Variants in ACSS2 observed in about 807,000 individuals in gnomAD.
ACSS2 encodes the protein acyl-CoA synthetase short chain family member 2, also known as acetyl-coenzyme A synthetase, cytoplasmic.
A neutral mutation model predicts 90.6 loss-of-function variants in ACSS2; 58 were observed. That is an observed-to-expected ratio of 0.64 (90% CI 0.52 to 0.80). ACSS2 has a LOEUF of 0.80. Ranked by LOEUF, ACSS2 falls within the 30% of genes least tolerant of loss-of-function variation. ACSS2 has a pLI of 0.00. For synonymous variants in ACSS2, 300 were observed against 330.9 expected, an observed-to-expected ratio of 0.91 and a Z score of 1.01; for missense variants, 759 against 912.0, an observed-to-expected ratio of 0.83 and a Z score of 2.16.
At position 34,876,744 on chromosome 20, in the gene ACSS2, C is replaced by A; in HGVS notation, c.99C>A (p.Pro33=). ...GGGCGCGGAGTTGGTCTCCGCCGCC[C>A]GAGGTCAGCCGCTCCGCGCACGTCC... is the stretch of plus-strand genomic sequence containing the variant. ...GGRARSWSPP[P]EVSRSAHVPS... is the part of the protein sequence containing the mutation. The change falls in exon 1 of 18, where the codon CCC becomes CCA. Residue 33 remains proline (P), a synonymous_variant. Coordinates refer to ENST00000360596, the MANE Select transcript of ACSS2 (RefSeq NM_018677.4). The A allele has an allele frequency of 7.0e-7, 1 of 1,435,016 alleles. No individual in the cohort carries two copies. The highest frequency in any genetic ancestry group is 1.4e-5 in the South Asian group (1 of 71,518). The allele number at this position is 1,435,016 out of a possible 1,614,324, so 88.9% of individuals were successfully genotyped here.
chr20:34,877,155 G>C (rs2079935771), intron 1 of ACSS2, among the ~76,000 whole-genome samples: 1 of 152,086 alleles, frequency 6.6e-6, no homozygotes, highest in Admixed American at 6.5e-5. Context: ...CATGGGAAGA[G>C]AAGGGGAGTT....
chr20:34,892,344 T>C (rs1017009548), intron 2 of ACSS2, among the ~76,000 whole-genome samples: 6 of 152,196 alleles, frequency 3.9e-5, no homozygotes, highest in African/African-American at 1.4e-4. Context: ...GGTTGGGCAC[T>C]GGTAATGATC....
At chr20:34,924,747 T>G (rs1190436456) in intron 14 of ACSS2, among the ~76,000 whole-genome samples, 5 of 152,008 alleles carry the variant, frequency 3.3e-5, no homozygotes, top group African/African-American at 4.8e-5. Context: ...TCACCCAGGC[T>G]GGAGTGCGGT....
At chr20:34,885,728 A>G (rs2080176128) in intron 2 of ACSS2, among the ~76,000 whole-genome samples, 1 of 152,216 alleles carries the variant, frequency 6.6e-6, no homozygotes, top group African/African-American at 2.4e-5. Flanking sequence ...CCAGCATGCT[A>G]TTGATATCAC....
At chr20:34,926,329 C>T in intron 16 of ACSS2, 48 bp downstream of exon 16, 1 of 1,577,922 alleles carries the variant, frequency 6.3e-7, no homozygotes, top group Non-Finnish European at 8.6e-7. Flanking sequence ...CTTGGAGGCC[C>T]AGTTATCACT....
At chr20:34,913,687 C>T in intron 4 of ACSS2, 66 bp from the exon 5 acceptor site, 1 of 1,479,934 alleles carries the variant, frequency 6.8e-7, no homozygotes, top group Non-Finnish European at 9.4e-7. Context: ...CATGAGCAAC[C>T]CCTTTCTTCA....
In ACSS2 at chr20:34,899,597, C is replaced by G. The variant is rs935021492; in HGVS notation, c.375-13499C>G. On this transcript the variant is annotated intron_variant, in intron 2 of 17. Coordinates refer to ENST00000360596, the MANE Select transcript of ACSS2 (RefSeq NM_018677.4). Reference sequence around the variant, plus strand: ...CTCCGCCTCCCGGGTTCAAGCGATTCTCCCACCTCAGCCTCCCGAGCAGCT... The same window carrying G: ...CTCCGCCTCCCGGGTTCAAGCGATTGTCCCACCTCAGCCTCCCGAGCAGCT... 3.9e-5 allele frequency among the ~76,000 whole-genome samples: 6 copies of G among 151,924 alleles called. No homozygotes were observed. The East Asian group carries it at 1.2e-3, about 29-fold the overall frequency.
intron 2 of ACSS2, chr20:34,908,587 C>T (rs2080866601): frequency 5.7e-6 from 1 of 174,512 alleles, no homozygotes; most frequent in African/African-American, 2.4e-5. Flanking sequence ...ATCAGCCAGG[C>T]ACGGTGGCTC....
intron 7 of ACSS2, among the ~76,000 whole-genome samples, chr20:34,916,755 CT>C (rs1857338959): frequency 6.6e-6 from 1 of 152,174 alleles, no homozygotes; most frequent in African/African-American, 2.4e-5. Context: ...CTCCAAACCC[CT>C]TTATCCTTAA....
chr20:34,927,745 T>G lies in ACSS2; in HGVS notation c.*531T>G, dbSNP rs1159176358. ...TGGCTCCAGGGGCTGTATGGGCAGA[T>G]TCAGTCTCCAGAGGGTATTCAGATC... On this transcript the variant is annotated 3_prime_UTR_variant, in exon 18 of 18. Coordinates refer to ENST00000360596, the MANE Select transcript of ACSS2 (RefSeq NM_018677.4). This position sits in a 1 kb window ranked among gnomAD's most constrained non-coding sequence, Gnocchi z 4.2. The G allele has an allele frequency of 6.3e-6, 1 of 159,934 alleles. No homozygotes were observed. Among genetic ancestry groups the G allele is most frequent in the Non-Finnish European group, 1.4e-5 (1 of 72,018 alleles). The allele number at this position is 159,934 out of a possible 1,614,324, so 9.9% of individuals were successfully genotyped here.
At chr20:34,894,609 G>A (rs1418264210) in intron 2 of ACSS2, among the ~76,000 whole-genome samples, 1 of 152,188 alleles carries the variant, frequency 6.6e-6, no homozygotes, top group East Asian at 1.9e-4. Context: ...AGGCTGCAGT[G>A]AGCGGTGATC....
chr20:34,894,086 T>A (rs758173113), intron 2 of ACSS2, among the ~76,000 whole-genome samples: 1 of 152,200 alleles, frequency 6.6e-6, no homozygotes, highest in Non-Finnish European at 1.5e-5. Context: ...TTTTAATACA[T>A]GAAAATCTAT....
intron 7 of ACSS2, 50 bp from the exon 8 acceptor site, chr20:34,919,385 C>T (rs1185440284): frequency 1.9e-6 from 3 of 1,609,350 alleles, no homozygotes; most frequent in Non-Finnish European, 2.5e-6. Context: ...ACGGGTGTAT[C>T]TTGTCCCCAT....
chr20:34,900,166 CTTTTTTT>C (rs34951413), intron 2 of ACSS2, among the ~76,000 whole-genome samples: 1 of 79,198 alleles, frequency 1.3e-5, no homozygotes, highest in African/African-American at 5.1e-5. Flanking sequence ...CATGCCTGAC[CTTTTTTT>C]TTTTTTTTTT....
At chr20:34,906,416 C>G (rs1310951952) in intron 2 of ACSS2, among the ~76,000 whole-genome samples, 1 of 151,758 alleles carries the variant, frequency 6.6e-6, no homozygotes, top group East Asian at 1.9e-4. Flanking sequence ...CCTCACCTTT[C>G]CCAACCAGCC....
intron 2 of ACSS2, among the ~76,000 whole-genome samples, chr20:34,902,056 A>G (rs1420826681): frequency 6.6e-6 from 1 of 151,996 alleles, no homozygotes; most frequent in Non-Finnish European, 1.5e-5. Flanking sequence ...AGCTCTCCCA[A>G]TTGATGTAGA....
intron 2 of ACSS2, among the ~76,000 whole-genome samples, chr20:34,899,301 C>A (rs1246465716): frequency 6.6e-6 from 1 of 152,240 alleles, no homozygotes; most frequent in Non-Finnish European, 1.5e-5. Flanking sequence ...AAAGTGGGAG[C>A]CCAGGCAGAG....
intron 2 of ACSS2, among the ~76,000 whole-genome samples, chr20:34,902,074 T>C (rs568946999): frequency 3.4e-5 from 5 of 147,998 alleles, no homozygotes; most frequent in African/African-American, 1.2e-4. Flanking sequence ...AGATTTTCCA[T>C]TTATAGTTAT....
chr20:34,883,792 C>G (rs2080125047), intron 2 of ACSS2, among the ~76,000 whole-genome samples: 1 of 152,192 alleles, frequency 6.6e-6, no homozygotes, highest in South Asian at 2.1e-4. Flanking sequence ...CAGGAAATTT[C>G]TAAGACTGCT....
Sources: gnomAD v4.1 joint callset for allele counts (sites outside exome capture counted in the v4.1 genomes callset) on GRCh38, gnomAD v4.1.1 for gene constraint, Gnocchi (gnomAD v3.1) non-coding constraint, MANE v1.5 for transcripts, NCBI Gene and HGNC (gene_info 2026-07-23, HGNC 2026-07-21) for gene names.